Variants in RNGTT observed in about 807,000 individuals in gnomAD.
RNGTT encodes mRNA-capping enzyme.
In RNGTT, 33 loss-of-function variants were observed where a neutral mutation model predicts 79.3. The observed-to-expected ratio is 0.42, with a 90% CI of 0.32 to 0.56. The LOEUF (loss-of-function observed/expected upper bound fraction) is 0.56, where lower values mean the gene tolerates loss of function less well. RNGTT is among the 20% of genes least tolerant of loss of function. RNGTT has a pLI of 0.17. For missense variants in RNGTT, 497 were observed against 739.1 expected (o/e 0.67, Z 3.80); for synonymous variants, 222 against 235.9 (o/e 0.94, Z 0.54).
intron 2 of RNGTT, among the ~76,000 whole-genome samples, chr6:88,936,587 G>C (rs1208270308): frequency 6.6e-6 from 1 of 152,140 alleles, no homozygotes; most frequent in African/African-American, 2.4e-5. Flanking sequence ...ATCATGAAGG[G>C]ATGTTGATTC....
chr6:88,761,648 C>T (rs989869625), intron 13 of RNGTT, among the ~76,000 whole-genome samples: 4 of 152,178 alleles, frequency 2.6e-5, no homozygotes, highest in Admixed American at 6.6e-5. Flanking sequence ...TGGCCTCACA[C>T]CTGTTTTTGT....
intron 11 of RNGTT, among the ~76,000 whole-genome samples, chr6:88,816,091 C>T (rs1008048435): frequency 6.6e-6 from 1 of 152,138 alleles, no homozygotes; most frequent in South Asian, 2.1e-4. Context: ...ATGTATACCT[C>T]TGTTACGGTG....
rs113210052 is a variant in RNGTT, at chr6:88,844,564, T to C, written c.1105-43A>G. 2.0e-3 allele frequency: 3,116 copies of C among 1,539,614 alleles called. 47 individuals are homozygous for C. The African/African-American group carries it at 0.034, about 17-fold the overall frequency. ...TTAGTTAAATTTCAACACTAACAAC[T>C]ATTTTATCAGCATAATTATCAAGGC... On this transcript the variant is annotated intron_variant, in intron 10 of 15. Transcript: ENST00000369485.
chr6:88,651,373 T>C (rs567368531), intron 14 of RNGTT, among the ~76,000 whole-genome samples: 31 of 152,320 alleles, frequency 2.0e-4, no homozygotes, highest in African/African-American at 7.2e-4. Context: ...TATGTTGTCA[T>C]CTTCCCCATC....
intron 13 of RNGTT, among the ~76,000 whole-genome samples, chr6:88,724,746 C>T (rs1582385241): frequency 2.0e-5 from 3 of 152,346 alleles, no homozygotes; most frequent in Admixed American, 2.0e-4. Context: ...TCGTCTTCTA[C>T]TTTTAAACTT....
At chr6:88,630,766 CTTAG>C (rs1210184955) in intron 14 of RNGTT, among the ~76,000 whole-genome samples, 2 of 151,186 alleles carry the variant, frequency 1.3e-5, no homozygotes, top group Non-Finnish European at 2.9e-5. Context: ...GTAACTCATT[CTTAG>C]TTACATTTCC....
Position 88,674,965 on chromosome 6 carries a change from G to A in RNGTT, c.1506+3388C>T, listed in dbSNP as rs184620655. On this transcript the variant is annotated intron_variant, in intron 14 of 15. Transcript: ENST00000369485. The stretch of plus-strand genomic sequence containing the variant: ...TACAAAAAATTAGCCAGGCGTGGTG[G>A]TGCGAGCCTGTAATCTCAGCTACTC... Among the ~76,000 whole-genome samples, 311 of 152,158 alleles carry A rather than the reference G, an allele frequency of 2.0e-3. 2 individuals carry two copies. Among genetic ancestry groups the A allele is most frequent in the African/African-American group, 7.3e-3 (304 of 41,534 alleles).
chr6:88,687,306 G>C (rs868642318), intron 13 of RNGTT, among the ~76,000 whole-genome samples: 1 of 152,098 alleles, frequency 6.6e-6, no homozygotes, highest in African/African-American at 2.4e-5. Flanking sequence ...CCAGGCTGTG[G>C]AAAACAGACA....
intron 11 of RNGTT, among the ~76,000 whole-genome samples, chr6:88,836,008 AC>A (rs1193079880): frequency 1.6e-5 from 2 of 121,984 alleles, no homozygotes; most frequent in African/African-American, 5.7e-5. Context: ...ACACACACAC[AC>A]ACACACACAC....
At chr6:88,878,419 A>T (rs1782589530) in intron 8 of RNGTT, among the ~76,000 whole-genome samples, 1 of 152,114 alleles carries the variant, frequency 6.6e-6, no homozygotes, top group South Asian at 2.1e-4. Context: ...TAAAAGCCCA[A>T]GTACTAGAAT....
At chr6:88,817,809 G>A (rs1780367411) in intron 11 of RNGTT, among the ~76,000 whole-genome samples, 1 of 133,496 alleles carries the variant, frequency 7.5e-6, no homozygotes, top group African/African-American at 2.8e-5. Flanking sequence ...TCCCAGGTTG[G>A]AGTGCAGTGG....
intron 1 of RNGTT, among the ~76,000 whole-genome samples, chr6:88,950,203 T>C (rs1464408909): frequency 6.6e-6 from 1 of 152,156 alleles, no homozygotes; most frequent in Non-Finnish European, 1.5e-5. Flanking sequence ...GAAAAAAAGA[T>C]TCCTTCCAAA....
chr6:88,724,559 C>G (rs184366645), intron 13 of RNGTT, among the ~76,000 whole-genome samples: 1 of 152,064 alleles, frequency 6.6e-6, no homozygotes, highest in Non-Finnish European at 1.5e-5. Flanking sequence ...TTTCCACAGA[C>G]AGGGGAAGGG....
At chr6:88,925,875 C>G (rs1439102270) in intron 4 of RNGTT, among the ~76,000 whole-genome samples, 1 of 151,984 alleles carries the variant, frequency 6.6e-6, no homozygotes, top group Non-Finnish European at 1.5e-5. Context: ...ATAGCAAGAC[C>G]CTGTCTCTTA....
In RNGTT at chr6:88,610,066, A is replaced by G. The variant is rs575904529; in HGVS notation, c.*2653T>C. Among the ~76,000 whole-genome samples the G allele has an allele frequency of 1.3e-5, 2 of 152,202 alleles. No homozygotes were observed. The highest frequency in any genetic ancestry group is 4.8e-5 in the African/African-American group (2 of 41,448). On this transcript the variant is annotated 3_prime_UTR_variant, in exon 16 of 16. Transcript: ENST00000369485. ...TTCTCCCATTCCTCTCCACTTCAAA[A>G]ATAAAAGGTTCAAACTACACCCCCC...
At chr6:88,926,222 C>G (rs1321141134) in intron 4 of RNGTT, among the ~76,000 whole-genome samples, 6 of 152,226 alleles carry the variant, frequency 3.9e-5, no homozygotes, top group Non-Finnish European at 2.9e-5. Context: ...CCTTTCCTCT[C>G]TAATTTAAAA....
intron 8 of RNGTT, 49 bp from the exon 9 acceptor site, chr6:88,853,813 A>G: frequency 8.4e-7 from 1 of 1,183,752 alleles, no homozygotes; most frequent in South Asian, 1.6e-5. Context: ...AATATCAAGA[A>G]CAGGGTCATG....
At chr6:88,656,887 C>T (rs914719979) in intron 14 of RNGTT, among the ~76,000 whole-genome samples, 2 of 151,810 alleles carry the variant, frequency 1.3e-5, no homozygotes, top group African/African-American at 4.8e-5. Flanking sequence ...CCCAGGAGTT[C>T]CAGACCAGCC....
chr6:88,776,589 C>T (rs924214703), intron 12 of RNGTT, among the ~76,000 whole-genome samples: 1 of 151,342 alleles, frequency 6.6e-6, no homozygotes, highest in Non-Finnish European at 1.5e-5. Flanking sequence ...CCCACCTTGG[C>T]CTCCCAAAGT....
Sources: gnomAD v4.1 joint callset for allele counts (sites outside exome capture counted in the v4.1 genomes callset) on GRCh38, gnomAD v4.1.1 for gene constraint, MANE v1.5 for transcripts, NCBI Gene and HGNC (gene_info 2026-07-23, HGNC 2026-07-21) for gene names.